NRXN1: variants seen among roughly 807,000 people sequenced by gnomAD.
NRXN1 encodes the protein neurexin-1.
A neutral mutation model predicts 150.9 loss-of-function variants in NRXN1; 39 were observed. The ratio of observed to expected loss-of-function variants is 0.26; its 90% confidence interval spans 0.20 to 0.34. The LOEUF (loss-of-function observed/expected upper bound fraction) is 0.34, where lower values mean the gene tolerates loss of function less well. Among genes scored for constraint, NRXN1 ranks in the 10% least tolerant of loss-of-function variants. The pLI is 1.00. For synonymous variants in NRXN1, 924 were observed against 757.0 expected, an observed-to-expected ratio of 1.22 and a Z score of -3.62; for missense variants, 1,815 against 1,949.9, an observed-to-expected ratio of 0.93 and a Z score of 1.30.
At chr2:50,093,708 G>A (rs1444323219) in intron 18 of NRXN1, among the ~76,000 whole-genome samples, 3 of 152,030 alleles carry the variant, frequency 2.0e-5, no homozygotes, top group Admixed American at 6.6e-5. Flanking sequence ...CACATACGTA[G>A]GGCTCTATAC....
At chr2:50,250,947 G>T (rs199935689) in intron 17 of NRXN1, among the ~76,000 whole-genome samples, 8 of 145,564 alleles carry the variant, frequency 5.5e-5, no homozygotes, top group African/African-American at 1.3e-4. Flanking sequence ...TATTACATAT[G>T]GCATATGTAA....
chr2:50,694,133 T>C (rs1692469565), intron 5 of NRXN1, among the ~76,000 whole-genome samples: 1 of 152,176 alleles, frequency 6.6e-6, no homozygotes. Context: ...AACGTGTGTA[T>C]GATTTAGCAA....
At chr2:50,919,507 TAAAG>T (rs1210554294) in intron 5 of NRXN1, 7 of 151,664 alleles carry the variant, frequency 4.6e-5, no homozygotes, top group African/African-American at 1.2e-4. Flanking sequence ...CTTTTTTTCA[TAAAG>T]AAAGACATTA....
chr2:50,853,618 G>A (rs1674832808), intron 5 of NRXN1, among the ~76,000 whole-genome samples: 1 of 152,066 alleles, frequency 6.6e-6, no homozygotes, highest in Non-Finnish European at 1.5e-5. Context: ...ATATTCATAT[G>A]TCAGGACTCT....
At chr2:50,375,294 A>G (rs987731580) in intron 17 of NRXN1, among the ~76,000 whole-genome samples, 114 of 151,150 alleles carry the variant, frequency 7.5e-4, no homozygotes, top group African/African-American at 2.7e-3. Flanking sequence ...AATTTACCTA[A>G]CTCTTACTTT....
At chr2:50,480,036 G>A (rs1006526122) in intron 15 of NRXN1, among the ~76,000 whole-genome samples, 8 of 152,128 alleles carry the variant, frequency 5.3e-5, no homozygotes, top group Non-Finnish European at 1.2e-4. Context: ...GCCTCCCAAA[G>A]TGCTGGGATT....
At chr2:50,987,290 A>G (rs1240542457) in intron 2 of NRXN1, among the ~76,000 whole-genome samples, 1 of 151,988 alleles carries the variant, frequency 6.6e-6, no homozygotes, top group Non-Finnish European at 1.5e-5. Flanking sequence ...AAGTATTAAC[A>G]ATAAAATAAA....
chr2:50,991,309 C>T (rs538498127), intron 2 of NRXN1, among the ~76,000 whole-genome samples: 58 of 151,940 alleles, frequency 3.8e-4, no homozygotes, highest in Admixed American at 1.8e-3. Context: ...CTTCCATACC[C>T]CCAATTTTCT....
At position 50,809,408 on chromosome 2, in the gene NRXN1, G is replaced by A. The variant is rs75847808; in HGVS notation, c.832+112461C>T. ...GATTTAGCATCATATGAATGGAGAA[G>A]AGCCAGGTAGGTGCTTTCCTAGAGA... On this transcript the variant is annotated intron_variant, in intron 5 of 22. Coordinates refer to ENST00000401669, the MANE Select transcript of NRXN1 (RefSeq NM_001330078.2). Among the ~76,000 whole-genome samples, 1,095 of 152,198 alleles carry A rather than the reference G, an allele frequency of 7.2e-3. 8 individuals carry two copies. The highest frequency in any genetic ancestry group is 0.025 in the African/African-American group (1,038 of 41,548).
At chr2:50,455,280 T>C (rs1394445568) in intron 17 of NRXN1, among the ~76,000 whole-genome samples, 1 of 152,102 alleles carries the variant, frequency 6.6e-6, no homozygotes, top group Non-Finnish European at 1.5e-5. Flanking sequence ...AAACCATAAA[T>C]GAGAGATAAT....
chr2:50,715,631 C>T (rs1017744204), intron 5 of NRXN1, among the ~76,000 whole-genome samples: 3 of 152,128 alleles, frequency 2.0e-5, no homozygotes, highest in South Asian at 2.1e-4. Context: ...TTCCATTCTA[C>T]TCACTGAAAG....
At chr2:50,872,526 C>G (rs1412974070) in intron 5 of NRXN1, among the ~76,000 whole-genome samples, 1 of 151,642 alleles carries the variant, frequency 6.6e-6, no homozygotes, top group African/African-American at 2.4e-5. Context: ...GTATAGGAGA[C>G]AAAGTAGAGG....
chr2:50,772,144 A>G (rs1703087001), intron 5 of NRXN1, among the ~76,000 whole-genome samples: 3 of 151,928 alleles, frequency 2.0e-5, no homozygotes, highest in South Asian at 2.1e-4. Context: ...GAAACAATCA[A>G]TCAGAACTCT....
At chr2:50,352,770 TAATAATATTATAATA>T (rs1221500073) in intron 17 of NRXN1, among the ~76,000 whole-genome samples, 8 of 129,452 alleles carry the variant, frequency 6.2e-5, no homozygotes, top group East Asian at 2.4e-4. Context: ...ATAATAATAA[TAATAATATTATAATA>T]ATAATAATAA....
At chr2:50,189,836 T>C (rs575564965) in intron 18 of NRXN1, among the ~76,000 whole-genome samples, 14 of 152,176 alleles carry the variant, frequency 9.2e-5, no homozygotes, top group Non-Finnish European at 1.9e-4. Context: ...TATCAATAGA[T>C]TTTAAGCATT....
chr2:50,473,120 C>T (rs988888787), intron 15 of NRXN1, among the ~76,000 whole-genome samples: 2 of 151,884 alleles, frequency 1.3e-5, no homozygotes, highest in Non-Finnish European at 2.9e-5. Context: ...TTGCACCTCT[C>T]TTGTTCGATA....
intron 9 of NRXN1, among the ~76,000 whole-genome samples, chr2:50,552,240 A>G (rs1478974767): frequency 1.3e-5 from 2 of 152,136 alleles, no homozygotes; most frequent in Non-Finnish European, 2.9e-5. Flanking sequence ...ACCTCCAAAC[A>G]TCCAATAACA....
chr2:50,806,986 G>A (rs1465512038), intron 5 of NRXN1, among the ~76,000 whole-genome samples: 1 of 152,018 alleles, frequency 6.6e-6, no homozygotes, highest in African/African-American at 2.4e-5. Context: ...GATATAATTT[G>A]TGATTAATTT....
chr2:50,958,432 C>T (rs1039119607), intron 2 of NRXN1, among the ~76,000 whole-genome samples: 1 of 151,936 alleles, frequency 6.6e-6, no homozygotes, highest in African/African-American at 2.4e-5. Context: ...TCTTCTTTTA[C>T]CTAGGAACAT....
Sources: allele counts gnomAD v4.1 joint callset (sites outside exome capture counted in the v4.1 genomes callset), GRCh38; gene constraint gnomAD v4.1.1; transcripts MANE v1.5; gene names NCBI Gene and HGNC (gene_info 2026-07-23, HGNC 2026-07-21).